MICU3: variants seen among roughly 807,000 people sequenced by gnomAD.
MICU3 encodes the protein calcium uptake protein 3, mitochondrial.
In MICU3, 62 loss-of-function variants were observed where a neutral mutation model predicts 66.5. The ratio of observed to expected loss-of-function variants is 0.93; its 90% CI spans 0.76 to 1.15. The LOEUF (loss-of-function observed/expected upper bound fraction) is 1.15, where lower values mean the gene tolerates loss of function less well. Ranked by LOEUF, MICU3 falls within the 50% of genes most tolerant of loss-of-function variation. The probability of loss-of-function intolerance (pLI) is 0.00; values close to 1 mark genes in which losing one functional copy is unlikely to be tolerated. For synonymous variants in MICU3, 308 were observed against 240.7 expected (o/e 1.28, Z -2.59); for missense variants, 779 against 664.4 (o/e 1.17, Z -1.90).
chr8:17,116,907 A>G (rs1428698511), intron 13 of MICU3, among the ~76,000 whole-genome samples: 1 of 152,192 alleles, frequency 6.6e-6, no homozygotes, highest in Non-Finnish European at 1.5e-5. Flanking sequence ...TTTAGTCTGC[A>G]TATTAGCTTT....
downstream of MICU3, among the ~76,000 whole-genome samples, chr8:17,127,158 T>C (rs1367808539): frequency 1.3e-5 from 2 of 152,190 alleles, no homozygotes; most frequent in African/African-American, 4.8e-5. Flanking sequence ...CTCTAGGTGC[T>C]ATAAGAGTTA....
rs551894579 is a variant in MICU3 at position 17,037,976 on chromosome 8, G to T, written c.381+10316G>T. 2.0e-5 allele frequency among the ~76,000 whole-genome samples: 3 copies of T among 152,354 alleles called. No individual in the cohort carries two copies. The East Asian group carries it at 5.8e-4, about 29-fold the overall frequency. ...ACAGTTTCTCCCATTTGGAATGGGT[G>T]TGTTTACCCAATGTCTCTACCCCCT... On this transcript the variant is annotated intron_variant, in intron 1 of 14. Transcript: ENST00000318063.
chr8:17,092,300 T>A (rs528322471), intron 8 of MICU3, among the ~76,000 whole-genome samples: 4 of 152,174 alleles, frequency 2.6e-5, no homozygotes, highest in Non-Finnish European at 5.9e-5. Flanking sequence ...CATTTTTTTT[T>A]AGAAAAATAC....
Position 17,104,401 on chromosome 8 carries a change from A to T in MICU3, c.995A>T (p.Asp332Val). The change falls in exon 10 of 15, where the codon GAC becomes GTC. Residue 332 changes from aspartate (D) to valine (V), a missense_variant. Physicochemically the swap from Asp to Val is radical, Grantham distance 152. Coordinates refer to ENST00000318063, the MANE Select transcript of MICU3 (RefSeq NM_181723.3). Reference protein sequence around the residue: ...LFSDLAERADDITSLVTDTTL... With the variant: ...LFSDLAERADVITSLVTDTTL... ...TGATTTTTTTTTAAGCGTGCTGATG[A>T]CATCACAAGTTTAGTAACAGATACT... 1 of 1,404,064 alleles carries T rather than the reference A, an allele frequency of 7.1e-7. No individual in the cohort carries two copies. The highest frequency in any genetic ancestry group is 1.9e-4 in the Middle Eastern group (1 of 5,202). 87.0% of individuals were successfully genotyped at this position (1,404,064 alleles called of 1,614,324 possible).
intron 7 of MICU3, among the ~76,000 whole-genome samples, chr8:17,090,144 A>C (rs890196518): frequency 5.3e-5 from 8 of 152,078 alleles, no homozygotes; most frequent in African/African-American, 1.4e-4. Context: ...ACAGCAGAGC[A>C]GGATTCCAGC....
rs1236324911 is a variant in MICU3, at chr8:17,122,517, A to G, written c.*2230A>G. The G allele has an allele frequency of 6.6e-6, 1 of 151,988 alleles. No individual in the cohort carries two copies. Among genetic ancestry groups the G allele is most frequent in the East Asian group, 1.9e-4 (1 of 5,206 alleles). 9.4% of individuals were successfully genotyped at this position (151,988 alleles called of 1,614,324 possible). ...ACAGTTTATGGTACTTCTCAGAATC[A>G]TTTCATAATAAGCAATTTATTTAGC... is the stretch of plus-strand genomic sequence containing the variant. On this transcript the variant is annotated 3_prime_UTR_variant, in exon 15 of 15. Transcript: ENST00000318063.
chr8:17,048,820 T>C (rs573795257), intron 1 of MICU3, among the ~76,000 whole-genome samples: 3 of 152,118 alleles, frequency 2.0e-5, no homozygotes, highest in Admixed American at 6.5e-5. Flanking sequence ...GTTGCCACTG[T>C]GTTGCCCAGG....
chr8:17,107,096 TG>T (rs1232187761), intron 11 of MICU3, among the ~76,000 whole-genome samples: 2 of 152,166 alleles, frequency 1.3e-5, no homozygotes, highest in East Asian at 3.8e-4. Flanking sequence ...TTCCAACCAC[TG>T]GGGTTAAAGT....
intron 5 of MICU3, 101 bp downstream of exon 5, chr8:17,081,841 C>G (rs1390467410): frequency 8.1e-6 from 5 of 614,562 alleles, no homozygotes; most frequent in African/African-American, 7.5e-5. Context: ...AATCAATATC[C>G]ATGCTGTTCT....
At chr8:17,079,083 G>A (rs529966156) in intron 4 of MICU3, among the ~76,000 whole-genome samples, 4 of 152,032 alleles carry the variant, frequency 2.6e-5, no homozygotes, top group Non-Finnish European at 4.4e-5. Flanking sequence ...TAAGTTAAGG[G>A]GAGGGTTTAA....
At chr8:17,035,934 A>G (rs1279209156) in intron 1 of MICU3, among the ~76,000 whole-genome samples, 1 of 152,220 alleles carries the variant, frequency 6.6e-6, no homozygotes, top group East Asian at 1.9e-4. Context: ...AGCCCCACCC[A>G]CCACAGACCT....
chr8:17,062,347 C>T (rs569594151), intron 1 of MICU3, among the ~76,000 whole-genome samples: 8 of 152,290 alleles, frequency 5.3e-5, no homozygotes, highest in African/African-American at 1.9e-4. Flanking sequence ...CCAGCATTCT[C>T]TCTTTCCATA....
chr8:17,128,390 A>G, the MICU3 span, among the ~76,000 whole-genome samples: 1 of 152,236 alleles, frequency 6.6e-6, no homozygotes, highest in Non-Finnish European at 1.5e-5. Flanking sequence ...CAAAGGCAAC[A>G]ATACATTTAG....
At chr8:17,112,087 A>T (rs1264530522) in intron 11 of MICU3, among the ~76,000 whole-genome samples, 2 of 152,096 alleles carry the variant, frequency 1.3e-5, no homozygotes, top group African/African-American at 4.8e-5. Context: ...TAATCCAGTC[A>T]CTTCCCTCCC....
intron 1 of MICU3, chr8:17,049,762 T>G (rs941799426): frequency 2.2e-6 from 1 of 458,246 alleles, no homozygotes; most frequent in Non-Finnish European, 4.3e-6. Context: ...TGAAGGCCCC[T>G]ATAGATTAAG....
intron 7 of MICU3, among the ~76,000 whole-genome samples, chr8:17,088,373 A>G (rs1276816790): frequency 6.6e-6 from 1 of 152,034 alleles, no homozygotes; most frequent in Admixed American, 6.6e-5. Context: ...GAATAGCCCC[A>G]TAATTGCAAC....
the MICU3 span, among the ~76,000 whole-genome samples, chr8:17,131,008 T>C: frequency 6.6e-6 from 1 of 152,056 alleles, no homozygotes; most frequent in Non-Finnish European, 1.5e-5. Context: ...TAAACAGTAA[T>C]AAGAAACTGG....
At chr8:17,029,748 C>T (rs1184614847) in intron 1 of MICU3, among the ~76,000 whole-genome samples, 2 of 152,080 alleles carry the variant, frequency 1.3e-5, no homozygotes, top group African/African-American at 4.8e-5. Flanking sequence ...ACTGATTGTG[C>T]TAGGTTCTTA....
chr8:17,046,660 C>T (rs1332532264), intron 1 of MICU3, among the ~76,000 whole-genome samples: 2 of 151,856 alleles, frequency 1.3e-5, no homozygotes, highest in Non-Finnish European at 2.9e-5. Context: ...CTTTAGTGCT[C>T]ATGTGGGGAC....
Sources: gnomAD v4.1 joint callset for allele counts (sites outside exome capture counted in the v4.1 genomes callset) on GRCh38, gnomAD v4.1.1 for gene constraint, MANE v1.5 for transcripts, NCBI Gene and HGNC (gene_info 2026-07-23, HGNC 2026-07-21) for gene names.